Variants in NFASC observed in about 807,000 individuals in gnomAD.
NFASC encodes the protein neurofascin homolog.
Under a neutral mutation model 147.5 loss-of-function variants are expected in NFASC, and 43 were observed. The ratio of observed to expected loss-of-function variants is 0.29; its 90% CI spans 0.23 to 0.38. NFASC has a LOEUF of 0.38. Ranked by LOEUF, NFASC falls within the 10% of genes least tolerant of loss-of-function variation. The probability of loss-of-function intolerance (pLI) is 1.00; values close to 1 mark genes in which losing one functional copy is unlikely to be tolerated. For synonymous variants in NFASC, 622 were observed against 665.5 expected (o/e 0.93, Z 1.01); for missense variants, 1,320 against 1,689.0 (o/e 0.78, Z 3.83).
At chr1:204,962,113 C>T in intron 8 of NFASC, 2 of 1,613,368 alleles carry the variant, frequency 1.2e-6, no homozygotes, top group Non-Finnish European at 1.7e-6. Context: ...TACAGACCAC[C>T]CTTATAATGA....
At chr1:204,926,166 A>C (rs1460500790) in intron 2 of NFASC, among the ~76,000 whole-genome samples, 1 of 151,412 alleles carries the variant, frequency 6.6e-6, no homozygotes, top group Non-Finnish European at 1.5e-5. Flanking sequence ...ATTATTCCTT[A>C]AACTTTTTAC....
intron 27 of NFASC, among the ~76,000 whole-genome samples, chr1:205,007,381 G>A (rs2096141076): frequency 6.7e-6 from 1 of 149,292 alleles, no homozygotes; most frequent in South Asian, 2.2e-4. Flanking sequence ...GGGCAATAGA[G>A]AGAGACTCTG....
At chr1:204,931,342 G>T (rs549321069) in intron 2 of NFASC, among the ~76,000 whole-genome samples, 1 of 152,132 alleles carries the variant, frequency 6.6e-6, no homozygotes, top group East Asian at 1.9e-4. Context: ...TCCTATTTCA[G>T]CTCCTCTCTC....
intron 2 of NFASC, among the ~76,000 whole-genome samples, chr1:204,926,321 A>G (rs1244700417): frequency 6.8e-6 from 1 of 146,908 alleles, no homozygotes; most frequent in East Asian, 2.0e-4. Context: ...TCCTTTTCAA[A>G]GTATCACAGT....
chr1:204,850,675 G>A (rs187071340), intron 1 of NFASC, among the ~76,000 whole-genome samples: 5 of 152,296 alleles, frequency 3.3e-5, no homozygotes, highest in South Asian at 2.1e-4. Context: ...GGTAAGACGC[G>A]CTTGCTTCCT....
chr1:204,855,930 T>A (rs2076113907), intron 1 of NFASC, among the ~76,000 whole-genome samples: 1 of 152,158 alleles, frequency 6.6e-6, no homozygotes, highest in Non-Finnish European at 1.5e-5. Flanking sequence ...TGAAAGACCA[T>A]CCTGTTGGAC....
chr1:204,856,413 G>T (rs547306825), intron 1 of NFASC, among the ~76,000 whole-genome samples: 14 of 151,764 alleles, frequency 9.2e-5, no homozygotes, highest in Admixed American at 6.6e-4. Context: ...GTGTGTGTGT[G>T]TGTGTGATTG....
intron 1 of NFASC, among the ~76,000 whole-genome samples, chr1:204,902,766 G>A (rs140108857): frequency 3.0e-4 from 46 of 152,276 alleles, no homozygotes; most frequent in Non-Finnish European, 5.1e-4. Context: ...GGAGATGCTG[G>A]GTGCTTAAGA....
rs1332273468 is a variant in NFASC, at chr1:205,001,299, G to A, written c.3136+13G>A. On this transcript the variant is annotated intron_variant, in intron 26 of 29. Transcript: ENST00000339876. ...GAGTACATCGACAGTAAGCATTGCT[G>A]TGCGGGGTGGTGGTGGCGGCAGCGG... The A allele has an allele frequency of 1.3e-6, 2 of 1,561,644 alleles. No homozygotes were observed. Among genetic ancestry groups the A allele is most frequent in the South Asian group, 1.1e-5 (1 of 88,556 alleles).
In NFASC at chr1:204,954,402, G is replaced by A. The variant is rs2094316398; in HGVS notation, c.412+18G>A. Reference sequence around the variant, plus strand: ...GGTGTCTAGTGAGTAGCGTGGGGCAGGGCTGAAATGCCCTGCTCCTGGGTA... The same window carrying A: ...GGTGTCTAGTGAGTAGCGTGGGGCAAGGCTGAAATGCCCTGCTCCTGGGTA... On this transcript the variant is annotated intron_variant, in intron 6 of 29. Transcript: ENST00000339876. This position sits in a 1 kb window ranked among gnomAD's most constrained non-coding sequence, Gnocchi z 5.7. 4 of 1,609,386 alleles carry A rather than the reference G, an allele frequency of 2.5e-6. No individual in the cohort carries two copies. In the East Asian group the frequency reaches 8.9e-5, roughly 36 times the overall value.
intron 1 of NFASC, among the ~76,000 whole-genome samples, chr1:204,893,163 G>A (rs984129698): frequency 2.0e-5 from 3 of 152,194 alleles, no homozygotes; most frequent in Admixed American, 6.5e-5. Context: ...AGTCTAGCTG[G>A]TGAACATGCT....
At chr1:204,948,597 AAAC>A (rs1178027944) in intron 3 of NFASC, 1 of 518,996 alleles carries the variant, frequency 1.9e-6, no homozygotes, top group South Asian at 1.4e-5. Flanking sequence ...AAACAAAACA[AAAC>A]AAAAAACTCT....
rs1412213284 is a variant in NFASC, at chr1:205,015,452, A to G, written c.3492-856A>G. On this transcript the variant is annotated intron_variant, in intron 29 of 29. Coordinates refer to ENST00000339876, the MANE Select transcript of NFASC (RefSeq NM_001005388.3). This position sits in a 1 kb window ranked among gnomAD's most constrained non-coding sequence, Gnocchi z 4.0. Reference sequence around the variant, plus strand: ...ATGGTGCCTGAACAGACGCTGGCTCAGAGAGCAGCCCCGCGCCTCCTCAGG... The same window carrying G: ...ATGGTGCCTGAACAGACGCTGGCTCGGAGAGCAGCCCCGCGCCTCCTCAGG... 1.3e-5 allele frequency among the ~76,000 whole-genome samples: 2 copies of G among 152,174 alleles called. No individual in the cohort carries two copies.
At chr1:204,982,770 G>A (rs1451819766) in intron 21 of NFASC, among the ~76,000 whole-genome samples, 3 of 152,228 alleles carry the variant, frequency 2.0e-5, no homozygotes, top group South Asian at 2.1e-4. Context: ...GGGCCTTTGC[G>A]CCCTGTTGAG....
At chr1:204,880,688 G>A (rs142012171) in intron 1 of NFASC, among the ~76,000 whole-genome samples, 361 of 152,270 alleles carry the variant, frequency 2.4e-3, no homozygotes, top group South Asian at 0.014. Flanking sequence ...GTTTCATCTG[G>A]TTCAGAGGTA....
intron 1 of NFASC, among the ~76,000 whole-genome samples, chr1:204,895,382 C>T (rs562191439): frequency 6.6e-6 from 1 of 152,352 alleles, no homozygotes; most frequent in East Asian, 1.9e-4. Context: ...TTTCTTCCTT[C>T]TCTGAACTCC....
chr1:204,865,815 T>G (rs994331071), intron 1 of NFASC, among the ~76,000 whole-genome samples: 2 of 152,198 alleles, frequency 1.3e-5, no homozygotes, highest in Non-Finnish European at 2.9e-5. Flanking sequence ...TAGTGCTGGC[T>G]TCTGTTGGCT....
At chr1:204,850,679 G>A (rs2075600698) in intron 1 of NFASC, among the ~76,000 whole-genome samples, 1 of 152,204 alleles carries the variant, frequency 6.6e-6, no homozygotes, top group African/African-American at 2.4e-5. Flanking sequence ...AGACGCGCTT[G>A]CTTCCTGTTC....
Position 204,979,131 on chromosome 1 carries a change from G to C in NFASC, c.1978+62G>C. ...GGGACGGCAACACCCTTAAACCGAA[G>C]GCCTTTCCTGGTTTCCAGCCCCACT... On this transcript the variant is annotated intron_variant, in intron 18 of 29. Transcript: ENST00000339876. The surrounding 1 kb of genome is among the most constrained non-coding windows in gnomAD (Gnocchi z 6.0). 7.3e-7 allele frequency: 1 copy of C among 1,375,500 alleles called. No individual in the cohort carries two copies. The highest frequency in any genetic ancestry group is 1.0e-6 in the Non-Finnish European group (1 of 996,880). 85.2% of individuals were successfully genotyped at this position (1,375,500 alleles called of 1,614,324 possible).
Sources: allele counts gnomAD v4.1 joint callset (sites outside exome capture counted in the v4.1 genomes callset), GRCh38; gene constraint gnomAD v4.1.1; non-coding constraint Gnocchi (gnomAD v3.1); transcripts MANE v1.5; gene names NCBI Gene and HGNC (gene_info 2026-07-23, HGNC 2026-07-21).